PTPRT: variants seen among roughly 807,000 people sequenced by gnomAD.
The protein encoded by PTPRT is protein tyrosine phosphatase receptor type T.
In PTPRT, 56 loss-of-function variants were observed where a neutral mutation model predicts 176.8. The ratio of observed to expected loss-of-function variants is 0.32; its 90% CI spans 0.26 to 0.40. PTPRT has a LOEUF of 0.40. Among genes scored for constraint, PTPRT ranks in the 10% least tolerant of loss-of-function variants. The pLI is 1.00. For synonymous variants in PTPRT, 783 were observed against 739.0 expected (o/e 1.06, Z -0.96); for missense variants, 1,540 against 1,908.2 (o/e 0.81, Z 3.60).
intron 7 of PTPRT, among the ~76,000 whole-genome samples, chr20:42,539,627 T>C (rs2072541875): frequency 6.6e-6 from 1 of 151,436 alleles, no homozygotes; most frequent in Admixed American, 6.6e-5. Flanking sequence ...TTGGAGGGAC[T>C]TGTTGACAAC....
intron 1 of PTPRT, among the ~76,000 whole-genome samples, chr20:43,022,464 A>G (rs915651226): frequency 3.3e-5 from 5 of 152,228 alleles, no homozygotes; most frequent in Non-Finnish European, 5.9e-5. Flanking sequence ...TTAAGTATTA[A>G]TAGGCCTTAC....
chr20:42,315,708 T>C lies in PTPRT; in HGVS notation c.2139+15A>G. 1 of 1,607,684 alleles carries C rather than the reference T, an allele frequency of 6.2e-7. No homozygotes were observed. ...CAAACAAGGCAAGGAATGGCCTCCA[T>C]GTGGCCATACTTACTCCATTGGCTT... is the stretch of plus-strand genomic sequence containing the variant. On this transcript the variant is annotated intron_variant, in intron 12 of 30. Coordinates refer to ENST00000373187, the MANE Select transcript of PTPRT (RefSeq NM_007050.6).
At chr20:42,364,193 T>A (rs1253862153) in intron 9 of PTPRT, among the ~76,000 whole-genome samples, 1 of 152,156 alleles carries the variant, frequency 6.6e-6, no homozygotes, top group East Asian at 1.9e-4. Context: ...GGGATCAGGT[T>A]GAGAGGCCCT....
intron 1 of PTPRT, among the ~76,000 whole-genome samples, chr20:43,096,825 G>T (rs2012188960): frequency 6.6e-6 from 1 of 152,192 alleles, no homozygotes; most frequent in Non-Finnish European, 1.5e-5. Flanking sequence ...GGATGTGGGT[G>T]GCAGGCTGCC....
intron 2 of PTPRT, among the ~76,000 whole-genome samples, chr20:42,798,440 TA>T (rs143029123): frequency 2.0e-5 from 3 of 152,270 alleles, no homozygotes; most frequent in East Asian, 3.9e-4. Flanking sequence ...TGAAAACTAG[TA>T]ATCATCAAGC....
At chr20:42,324,954 T>A (rs558681268) in intron 11 of PTPRT, among the ~76,000 whole-genome samples, 1 of 152,362 alleles carries the variant, frequency 6.6e-6, no homozygotes, top group South Asian at 2.1e-4. Flanking sequence ...TTCGGCGACC[T>A]ATTGTCCTAT....
chr20:42,999,297 A>G (rs1436665743), intron 1 of PTPRT, among the ~76,000 whole-genome samples: 1 of 152,234 alleles, frequency 6.6e-6, no homozygotes, highest in African/African-American at 2.4e-5. Flanking sequence ...GCAAACAGTC[A>G]TTATTTCCAC....
At chr20:42,124,620 C>T (rs1415154832) in intron 19 of PTPRT, among the ~76,000 whole-genome samples, 1 of 152,166 alleles carries the variant, frequency 6.6e-6, no homozygotes, top group Non-Finnish European at 1.5e-5. Flanking sequence ...GGGCAGTTAG[C>T]TCTTTAGAGA....
At chr20:42,096,600 TA>T (rs142413813) in intron 27 of PTPRT, among the ~76,000 whole-genome samples, 7 of 148,338 alleles carry the variant, frequency 4.7e-5, no homozygotes, top group East Asian at 2.0e-4. Context: ...TAAGAGTCAG[TA>T]AAAAAAAAAT....
At chr20:42,685,118 A>G (rs2075670588) in intron 6 of PTPRT, among the ~76,000 whole-genome samples, 1 of 152,238 alleles carries the variant, frequency 6.6e-6, no homozygotes, top group Non-Finnish European at 1.5e-5. Flanking sequence ...ATTATGATAA[A>G]GACAATGGTA....
chr20:42,531,924 C>T (rs1160514082), intron 7 of PTPRT, among the ~76,000 whole-genome samples: 2 of 152,180 alleles, frequency 1.3e-5, no homozygotes, highest in African/African-American at 2.4e-5. Flanking sequence ...AGAAGCCGTG[C>T]TATTGTCTGT....
In PTPRT at chr20:42,573,749, C is replaced by CT. The variant is rs150938657; in HGVS notation, c.1154-101188dup. Among the ~76,000 whole-genome samples, 470 of 112,578 alleles carry CT rather than the reference C, an allele frequency of 4.2e-3. 23 individuals are homozygous for CT. The South Asian group carries it at 0.11, about 26-fold the overall frequency. The allele number at this position is 112,578 out of a possible 152,430, so 73.9% of individuals were successfully genotyped here. ...GGCAAGACGGACCCTTTCTTTCTTT[C>CT]TTTTTTTTTTTTTTTTTGAGATGGA... On this transcript the variant is annotated intron_variant, in intron 7 of 30. Transcript: ENST00000373187.
At chr20:42,639,905 C>T (rs2074699637) in intron 7 of PTPRT, among the ~76,000 whole-genome samples, 1 of 152,130 alleles carries the variant, frequency 6.6e-6, no homozygotes, top group African/African-American at 2.4e-5. Flanking sequence ...ATTGTCTACG[C>T]CGCTTCTGCT....
the PTPRT span, among the ~76,000 whole-genome samples, chr20:42,039,636 G>A: frequency 1.4e-5 from 2 of 141,570 alleles, no homozygotes; most frequent in Non-Finnish European, 3.1e-5. Flanking sequence ...GTTCATCTAT[G>A]TTATTTCAAA....
intron 1 of PTPRT, among the ~76,000 whole-genome samples, chr20:43,075,075 A>T (rs2011240741): frequency 1.3e-5 from 2 of 152,222 alleles, no homozygotes; most frequent in Non-Finnish European, 2.9e-5. Context: ...CCAGCCCTTC[A>T]TGAACAGTGT....
At chr20:43,148,812 A>G (rs79039502) in intron 1 of PTPRT, among the ~76,000 whole-genome samples, 5,038 of 152,282 alleles carry the variant, frequency 0.033, 123 homozygotes, top group Non-Finnish European at 0.052. Flanking sequence ...ACCTTTTTTC[A>G]TAGGCAAGAA....
chr20:42,181,306 G>A (rs935168895), intron 16 of PTPRT, among the ~76,000 whole-genome samples: 14 of 152,144 alleles, frequency 9.2e-5, no homozygotes, highest in Non-Finnish European at 1.6e-4. Flanking sequence ...AGGGGCAGTA[G>A]GGGACACAAA....
chr20:42,322,144 T>C (rs575769983), intron 11 of PTPRT, among the ~76,000 whole-genome samples: 2 of 152,082 alleles, frequency 1.3e-5, no homozygotes, highest in African/African-American at 4.8e-5. Context: ...TCCATGCTCA[T>C]GGGTAGGAAG....
At chr20:42,810,378 A>G (rs2077682140) in intron 2 of PTPRT, among the ~76,000 whole-genome samples, 2 of 152,140 alleles carry the variant, frequency 1.3e-5, no homozygotes, top group Admixed American at 1.3e-4. Context: ...ATTACATAAG[A>G]CAGAACAAGT....
Sources: gnomAD v4.1 joint callset for allele counts (sites outside exome capture counted in the v4.1 genomes callset) on GRCh38, gnomAD v4.1.1 for gene constraint, MANE v1.5 for transcripts, NCBI Gene and HGNC (gene_info 2026-07-23, HGNC 2026-07-21) for gene names.